The following KHDRBS2 variants were observed in gnomAD, a reference collection of about 807,000 sequenced individuals.
KHDRBS2 encodes the protein KH domain-containing, RNA-binding, signal transduction-associated protein 2.
KHDRBS2 carries 26 observed loss-of-function variants against 44.3 expected under a neutral mutation model. The observed-to-expected ratio is 0.59, with a 90% CI of 0.43 to 0.81. KHDRBS2 has a LOEUF of 0.81. Ranked by LOEUF, KHDRBS2 falls within the 40% of genes least tolerant of loss-of-function variation. The pLI is 0.00. For synonymous variants in KHDRBS2, 194 were observed against 151.1 expected, an observed-to-expected ratio of 1.28 and a Z score of -2.08; for missense variants, 476 against 433.1, an observed-to-expected ratio of 1.10 and a Z score of -0.88.
chr6:61,986,607 T>C (rs10944914), intron 3 of KHDRBS2, among the ~76,000 whole-genome samples: 33,167 of 152,166 alleles, frequency 0.22, 3,759 homozygotes, highest in Admixed American at 0.29. Context: ...GTCAGGCTGC[T>C]ACTGCAAAAT....
intron 6 of KHDRBS2, among the ~76,000 whole-genome samples, chr6:61,803,694 C>T (rs1786658347): frequency 1.3e-5 from 2 of 152,136 alleles, no homozygotes; most frequent in African/African-American, 4.8e-5. Context: ...AAAGGTTTAA[C>T]TCACAGTTCT....
chr6:61,544,524 C>T, the KHDRBS2 span, among the ~76,000 whole-genome samples: 3 of 152,108 alleles, frequency 2.0e-5, no homozygotes, highest in Admixed American at 6.6e-5. Context: ...GTTTAAAATG[C>T]TTATTCCTTT....
At chr6:61,812,035 T>C (rs948887497) in intron 6 of KHDRBS2, among the ~76,000 whole-genome samples, 18 of 152,126 alleles carry the variant, frequency 1.2e-4, no homozygotes, top group African/African-American at 4.1e-4. Context: ...CTTTATCTTA[T>C]AGCATATGGA....
intron 6 of KHDRBS2, among the ~76,000 whole-genome samples, chr6:61,866,158 C>T (rs1394441174): frequency 6.6e-6 from 1 of 152,216 alleles, no homozygotes; most frequent in Non-Finnish European, 1.5e-5. Flanking sequence ...GGCTCCAACC[C>T]CACATTTCCC....
At chr6:61,908,061 A>C (rs1205683578) in intron 4 of KHDRBS2, among the ~76,000 whole-genome samples, 1 of 152,184 alleles carries the variant, frequency 6.6e-6, no homozygotes, top group Non-Finnish European at 1.5e-5. Flanking sequence ...AGCATTTATA[A>C]ATTTTATGCT....
At chr6:62,141,620 A>T (rs1340228551) in intron 2 of KHDRBS2, among the ~76,000 whole-genome samples, 1 of 152,126 alleles carries the variant, frequency 6.6e-6, no homozygotes, top group Non-Finnish European at 1.5e-5. Flanking sequence ...TCTTTGAAAA[A>T]ATGTATCATA....
At chr6:61,998,993 T>G (rs1777734155) in intron 3 of KHDRBS2, among the ~76,000 whole-genome samples, 1 of 152,148 alleles carries the variant, frequency 6.6e-6, no homozygotes, top group African/African-American at 2.4e-5. Flanking sequence ...AAATTTGTGT[T>G]TTCTTTGCCT....
chr6:61,581,526 G>T, the KHDRBS2 span, among the ~76,000 whole-genome samples: 3 of 147,878 alleles, frequency 2.0e-5, no homozygotes, highest in South Asian at 2.1e-4. Context: ...ATATAATATA[G>T]ATTATAATAT....
intron 3 of KHDRBS2, among the ~76,000 whole-genome samples, chr6:62,004,107 A>G (rs1778771086): frequency 6.6e-6 from 1 of 152,212 alleles, no homozygotes; most frequent in Non-Finnish European, 1.5e-5. Flanking sequence ...GAGAAGCAAG[A>G]GCAAACAAAT....
chr6:61,637,500 G>C, the KHDRBS2 span, among the ~76,000 whole-genome samples: 1 of 152,228 alleles, frequency 6.6e-6, no homozygotes, highest in Admixed American at 6.5e-5. Flanking sequence ...ACATATGTGT[G>C]CGTGTGTCTT....
intron 3 of KHDRBS2, among the ~76,000 whole-genome samples, chr6:62,015,566 T>C (rs1562646503): frequency 2.0e-5 from 3 of 152,126 alleles, no homozygotes; most frequent in Admixed American, 6.6e-5. Context: ...CTGATCCTTC[T>C]TTTAGCACAC....
intron 6 of KHDRBS2, among the ~76,000 whole-genome samples, chr6:61,851,401 C>G (rs183877998): frequency 3.0e-4 from 45 of 152,076 alleles, no homozygotes; most frequent in Admixed American, 1.6e-3. Context: ...CCAAAAAATT[C>G]ATATGTTGAA....
intron 4 of KHDRBS2, among the ~76,000 whole-genome samples, chr6:61,909,218 C>T (rs1331568672): frequency 6.6e-6 from 1 of 151,868 alleles, no homozygotes; most frequent in Non-Finnish European, 1.5e-5. Context: ...AGGTGCAGGC[C>T]ACCATGCCCA....
chr6:61,878,753 C>T (rs1385341508), intron 6 of KHDRBS2, among the ~76,000 whole-genome samples: 1 of 151,954 alleles, frequency 6.6e-6, no homozygotes, highest in Non-Finnish European at 1.5e-5. Context: ...GCTATGAGCG[C>T]CACTTTTCGA....
intron 4 of KHDRBS2, among the ~76,000 whole-genome samples, chr6:61,950,938 A>G (rs973671405): frequency 6.6e-6 from 1 of 152,104 alleles, no homozygotes; most frequent in Non-Finnish European, 1.5e-5. Context: ...TGATGGAAGT[A>G]ACAAATATCT....
At chr6:62,137,305 T>C (rs1357744245) in intron 2 of KHDRBS2, among the ~76,000 whole-genome samples, 1 of 152,114 alleles carries the variant, frequency 6.6e-6, no homozygotes, top group African/African-American at 2.4e-5. Flanking sequence ...CCAGCTCAGC[T>C]TTTTTTCTTA....
At chr6:61,602,352 C>A in the KHDRBS2 span, among the ~76,000 whole-genome samples, 2 of 152,106 alleles carry the variant, frequency 1.3e-5, no homozygotes, top group African/African-American at 4.8e-5. Context: ...CCTCCAGGAC[C>A]GCCTACCCCA....
At chr6:61,620,207 C>A in the KHDRBS2 span, among the ~76,000 whole-genome samples, 1 of 151,644 alleles carries the variant, frequency 6.6e-6, no homozygotes, top group African/African-American at 2.4e-5. Context: ...AAGTTTAAAT[C>A]CACTTTCTTA....
chr6:62,155,984 G>A (rs188379674), intron 2 of KHDRBS2, among the ~76,000 whole-genome samples: 103 of 152,268 alleles, frequency 6.8e-4, no homozygotes, highest in African/African-American at 2.4e-3. Context: ...TGTGAAATAG[G>A]TTTGCAGCAA....
Sources: allele counts gnomAD v4.1 joint callset (sites outside exome capture counted in the v4.1 genomes callset), GRCh38; gene constraint gnomAD v4.1.1; transcripts MANE v1.5; gene names NCBI Gene and HGNC (gene_info 2026-07-23, HGNC 2026-07-21).